CCSER1: variants seen among roughly 807,000 people sequenced by gnomAD.
CCSER1 encodes the protein coiled-coil serine rich protein 1, also known as serine-rich coiled-coil domain-containing protein 1.
Under a neutral mutation model 82.0 loss-of-function variants are expected in CCSER1, and 41 were observed. That is an observed-to-expected ratio of 0.50 (90% CI 0.39 to 0.65). The LOEUF is 0.65. CCSER1 is among the 30% of genes least tolerant of loss of function. The pLI is 0.00. For missense variants in CCSER1, 1,119 were observed against 1,064.2 expected, an observed-to-expected ratio of 1.05 and a Z score of -0.72; for synonymous variants, 414 against 383.9, an observed-to-expected ratio of 1.08 and a Z score of -0.92.
chr4:90,505,436 C>G (rs1349603731), intron 5 of CCSER1, among the ~76,000 whole-genome samples: 4 of 152,140 alleles, frequency 2.6e-5, no homozygotes, highest in Admixed American at 6.5e-5. Context: ...ACCCACCCAC[C>G]AATTAGGTCT....
intron 1 of CCSER1, among the ~76,000 whole-genome samples, chr4:90,267,244 G>T (rs1725398411): frequency 6.6e-6 from 1 of 151,946 alleles, no homozygotes; most frequent in South Asian, 2.1e-4. Flanking sequence ...GTGGACACAG[G>T]GAGAATCTCC....
Position 90,842,330 on chromosome 4 carries a change from A to G in CCSER1, c.2094+26485A>G, listed in dbSNP as rs1762676675. Among the ~76,000 whole-genome samples the G allele has an allele frequency of 2.0e-5, 3 of 152,312 alleles. No individual in the cohort carries two copies. In the South Asian group the frequency reaches 6.2e-4, roughly 32 times the overall value. On this transcript the variant is annotated intron_variant, in intron 8 of 10. Coordinates refer to ENST00000509176, the MANE Select transcript of CCSER1 (RefSeq NM_001145065.2). Reference sequence around the variant, plus strand: ...AGTGGTTTTTGTATGCTCAAATTTTAATTTCTTGATTGGGTGAGTTCTATG... The same window carrying G: ...AGTGGTTTTTGTATGCTCAAATTTTGATTTCTTGATTGGGTGAGTTCTATG...
At chr4:91,215,366 G>A (rs1361239565) in intron 10 of CCSER1, among the ~76,000 whole-genome samples, 1 of 152,132 alleles carries the variant, frequency 6.6e-6, no homozygotes, top group Non-Finnish European at 1.5e-5. Flanking sequence ...GTTCTCTAGA[G>A]GGACAGAACT....
intron 1 of CCSER1, among the ~76,000 whole-genome samples, chr4:90,179,636 G>A (rs1733347353): frequency 6.6e-6 from 1 of 152,162 alleles, no homozygotes; most frequent in Non-Finnish European, 1.5e-5. Flanking sequence ...TCTCAATTTG[G>A]CCTCCCAAAG....
At chr4:91,380,263 C>T (rs1182181855) in intron 10 of CCSER1, among the ~76,000 whole-genome samples, 1 of 152,096 alleles carries the variant, frequency 6.6e-6, no homozygotes, top group African/African-American at 2.4e-5. Flanking sequence ...TCTATTAGGT[C>T]CACTTAGTGC....
chr4:91,558,879 C>T (rs563685754), intron 10 of CCSER1, among the ~76,000 whole-genome samples: 101 of 151,544 alleles, frequency 6.7e-4, no homozygotes, highest in African/African-American at 2.3e-3. Context: ...AACCATATCA[C>T]CATTAATAAT....
intron 10 of CCSER1, among the ~76,000 whole-genome samples, chr4:91,480,197 G>A (rs1757830414): frequency 1.3e-5 from 2 of 151,940 alleles, no homozygotes; most frequent in Admixed American, 6.6e-5. Flanking sequence ...ATGCCGCAAT[G>A]AACATACATG....
In CCSER1 at chr4:90,238,226, G is replaced by A. The variant is rs543115619; in HGVS notation, c.-41-70018G>A. ...ACTTCAGTTGTTTATCTGGGATAAT[G>A]GGGAGGTAGGGGTATGGTGATGTCC... On this transcript the variant is annotated intron_variant, in intron 1 of 10. Coordinates refer to ENST00000509176, the MANE Select transcript of CCSER1 (RefSeq NM_001145065.2). 2.6e-5 allele frequency among the ~76,000 whole-genome samples: 4 copies of A among 152,264 alleles called. No individual in the cohort carries two copies. In the South Asian group the frequency reaches 8.3e-4, roughly 32 times the overall value.
intron 5 of CCSER1, among the ~76,000 whole-genome samples, chr4:90,587,452 A>G (rs1359775859): frequency 1.3e-5 from 2 of 152,206 alleles, no homozygotes; most frequent in Non-Finnish European, 2.9e-5. Flanking sequence ...TCTACTAAAA[A>G]TACAAAAATT....
At chr4:90,797,630 T>A (rs1450817350) in intron 7 of CCSER1, among the ~76,000 whole-genome samples, 2 of 152,216 alleles carry the variant, frequency 1.3e-5, no homozygotes, top group Admixed American at 6.5e-5. Context: ...CTTTCTGTAT[T>A]TAGTGCTTCC....
chr4:91,523,933 G>A lies in CCSER1; in HGVS notation c.2218-74639G>A, dbSNP rs535493257. On this transcript the variant is annotated intron_variant, in intron 10 of 10. Transcript: ENST00000509176. Reference sequence around the variant, plus strand: ...TCTGCTAGCCTTTGAATTTGTTTGTGTTTTCCATGTTAGAATGACAAAATC... The same window carrying A: ...TCTGCTAGCCTTTGAATTTGTTTGTATTTTCCATGTTAGAATGACAAAATC... Among the ~76,000 whole-genome samples, 7 of 151,790 alleles carry A rather than the reference G, an allele frequency of 4.6e-5. No homozygotes were observed. In the South Asian group the frequency reaches 1.0e-3, roughly 23 times the overall value.
intron 7 of CCSER1, among the ~76,000 whole-genome samples, chr4:90,799,007 A>T (rs945554717): frequency 2.0e-5 from 3 of 152,212 alleles, no homozygotes; most frequent in African/African-American, 7.2e-5. Context: ...CAGTAGTGGC[A>T]GCTGCAGCAG....
intron 1 of CCSER1, among the ~76,000 whole-genome samples, chr4:90,139,063 C>A (rs759042843): frequency 6.6e-6 from 1 of 152,076 alleles, no homozygotes; most frequent in Non-Finnish European, 1.5e-5. Flanking sequence ...TCTGTTTCTT[C>A]TAGTAGCCAT....
rs530679346 is a variant in CCSER1 at position 90,481,907 on chromosome 4, C to T, written c.1724+13553C>T. Among the ~76,000 whole-genome samples, 8 of 152,198 alleles carry T rather than the reference C, an allele frequency of 5.3e-5. No individual in the cohort carries two copies. The South Asian group carries it at 1.7e-3, about 32-fold the overall frequency. On this transcript the variant is annotated intron_variant, in intron 5 of 10. Coordinates refer to ENST00000509176, the MANE Select transcript of CCSER1 (RefSeq NM_001145065.2). ...TCATAAAACGAGTTAGGGAGGATTC[C>T]CTCTTTTTCTATTGATTGGAATAGT...
chr4:91,416,024 T>G (rs1753339871), intron 10 of CCSER1, among the ~76,000 whole-genome samples: 1 of 152,118 alleles, frequency 6.6e-6, no homozygotes, highest in South Asian at 2.1e-4. Context: ...ATCCATCTTG[T>G]CCTGGTCTTT....
At chr4:90,417,708 G>A (rs751139016) in intron 4 of CCSER1, among the ~76,000 whole-genome samples, 1 of 152,092 alleles carries the variant, frequency 6.6e-6, no homozygotes, top group Non-Finnish European at 1.5e-5. Flanking sequence ...TGAGTTTGAT[G>A]AACAAGCAAT....
chr4:90,579,380 T>G (rs1192992765), intron 5 of CCSER1, among the ~76,000 whole-genome samples: 2 of 152,156 alleles, frequency 1.3e-5, no homozygotes, highest in African/African-American at 2.4e-5. Context: ...ATGGGAGCAA[T>G]TATTCTACAA....
At chr4:90,955,830 G>A (rs996935091) in intron 9 of CCSER1, among the ~76,000 whole-genome samples, 4 of 151,862 alleles carry the variant, frequency 2.6e-5, no homozygotes, top group South Asian at 4.1e-4. Context: ...CTACTTATTC[G>A]TAATTCAGAT....
chr4:90,241,290 G>A (rs926107775), intron 1 of CCSER1, among the ~76,000 whole-genome samples: 3 of 152,132 alleles, frequency 2.0e-5, no homozygotes, highest in African/African-American at 7.2e-5. Context: ...ATATACTGTT[G>A]TAATCATGTA....
Sources: allele counts gnomAD v4.1 joint callset (sites outside exome capture counted in the v4.1 genomes callset), GRCh38; gene constraint gnomAD v4.1.1; transcripts MANE v1.5; gene names NCBI Gene and HGNC (gene_info 2026-07-23, HGNC 2026-07-21).